NCOA3: variants seen among roughly 807,000 people sequenced by gnomAD.
The protein encoded by NCOA3 is nuclear receptor coactivator 3, also known as CBP-interacting protein.
Under a neutral mutation model 158.8 loss-of-function variants are expected in NCOA3, and 51 were observed. The observed-to-expected ratio is 0.32, with a 90% CI of 0.26 to 0.41. The LOEUF (loss-of-function observed/expected upper bound fraction) is 0.41. Ranked by LOEUF, NCOA3 falls within the 10% of genes least tolerant of loss-of-function variation. NCOA3 has a pLI of 1.00. For missense variants in NCOA3, 1,510 were observed against 1,746.6 expected, an observed-to-expected ratio of 0.86 and a Z score of 2.41; for synonymous variants, 537 against 592.4, an observed-to-expected ratio of 0.91 and a Z score of 1.36.
intron 1 of NCOA3, among the ~76,000 whole-genome samples, chr20:47,532,197 C>T (rs1342025940): frequency 1.3e-5 from 2 of 151,076 alleles, no homozygotes; most frequent in African/African-American, 4.9e-5. Flanking sequence ...GATACTTAAA[C>T]AAGGACACCA....
intron 2 of NCOA3, among the ~76,000 whole-genome samples, chr20:47,594,378 C>A (rs2085707727): frequency 6.6e-6 from 1 of 152,100 alleles, no homozygotes; most frequent in Non-Finnish European, 1.5e-5. Flanking sequence ...AGATGAAAGT[C>A]TTGGCCAGGT....
chr20:47,625,973 A>C (rs1004738673), intron 5 of NCOA3, among the ~76,000 whole-genome samples: 1 of 152,262 alleles, frequency 6.6e-6, no homozygotes, highest in Non-Finnish European at 1.5e-5. Flanking sequence ...TGCATAGGCT[A>C]TAGGCAAATA....
chr20:47,543,511 C>CT (rs773919016), intron 1 of NCOA3, among the ~76,000 whole-genome samples: 2,935 of 145,186 alleles, frequency 0.02, 81 homozygotes, highest in African/African-American at 0.064. Flanking sequence ...TCTTCTTCTT[C>CT]TTTTTTTTTT....
chr20:47,594,846 C>G (rs1296928533), intron 2 of NCOA3, among the ~76,000 whole-genome samples: 2 of 142,766 alleles, frequency 1.4e-5, no homozygotes, highest in Non-Finnish European at 3.0e-5. Flanking sequence ...GTCTGGAGCG[C>G]AGTACCGCGA....
At chr20:47,524,933 TTTTTTTC>T (rs1474202178) in intron 1 of NCOA3, among the ~76,000 whole-genome samples, 3 of 152,216 alleles carry the variant, frequency 2.0e-5, no homozygotes, top group East Asian at 3.9e-4. Flanking sequence ...TATTTATTTA[TTTTTTTC>T]TTTTTTCTTT....
chr20:47,554,255 T>C (rs922478817), intron 1 of NCOA3, among the ~76,000 whole-genome samples: 1 of 152,196 alleles, frequency 6.6e-6, no homozygotes, highest in African/African-American at 2.4e-5. Context: ...TGTTTGTTTT[T>C]TTCTTGTAAA....
chr20:47,634,319 G>A, intron 10 of NCOA3, 124 bp downstream of exon 10: 1 of 916,628 alleles, frequency 1.1e-6, no homozygotes, highest in Admixed American at 2.4e-5. Flanking sequence ...TGGGTTTGAT[G>A]AAATGAGTTT....
intron 1 of NCOA3, among the ~76,000 whole-genome samples, chr20:47,577,548 C>CAT: frequency 6.6e-6 from 1 of 152,186 alleles, no homozygotes; most frequent in East Asian, 1.9e-4. Context: ...CAATGTGGCA[C>CAT]ATGGATGCTT....
chr20:47,647,876 A>T (rs2086713837), intron 18 of NCOA3, among the ~76,000 whole-genome samples: 1 of 149,018 alleles, frequency 6.7e-6, no homozygotes, highest in African/African-American at 2.4e-5. Context: ...TAAGTAGATG[A>T]ATGCCTGAGG....
At chr20:47,621,671 T>TTTTTTTTTTTTA (rs1434238216) in intron 2 of NCOA3, among the ~76,000 whole-genome samples, 2 of 150,020 alleles carry the variant, frequency 1.3e-5, no homozygotes, top group Admixed American at 6.6e-5. Flanking sequence ...TTTTTTTTTT[T>TTTTTTTTTTTTA]GAGACGGAGT....
intron 1 of NCOA3, among the ~76,000 whole-genome samples, chr20:47,545,840 G>T (rs1460048977): frequency 6.6e-6 from 1 of 151,800 alleles, no homozygotes; most frequent in East Asian, 1.9e-4. Context: ...TCAGCATCCT[G>T]AATAGCTAGG....
intron 1 of NCOA3, among the ~76,000 whole-genome samples, chr20:47,522,634 C>T (rs1292688353): frequency 6.6e-6 from 1 of 152,048 alleles, no homozygotes; most frequent in Admixed American, 6.6e-5. Flanking sequence ...ACAAATCATT[C>T]GCGTAGCCCG....
chr20:47,592,571 G>GT (rs1426914367), intron 2 of NCOA3, among the ~76,000 whole-genome samples: 2 of 152,138 alleles, frequency 1.3e-5, no homozygotes, highest in African/African-American at 4.8e-5. Flanking sequence ...AAGGTAACAG[G>GT]TTTATCAAAG....
At position 47,648,840 on chromosome 20, in the gene NCOA3, A is replaced by G. The variant is rs150695970; in HGVS notation, c.3547-165A>G. On this transcript the variant is annotated intron_variant, in intron 18 of 22. Transcript: ENST00000371998. ...ATATGCTAGCCAAAGACTTTTCAAC[A>G]TTGACCTTTTTGCAGTGTGAAAGTA... is the stretch of plus-strand genomic sequence containing the variant. Among the ~76,000 whole-genome samples the G allele has an allele frequency of 4.3e-3, 651 of 152,236 alleles. 4 individuals carry two copies. Among genetic ancestry groups the G allele is most frequent in the African/African-American group, 0.015 (624 of 41,544 alleles).
intron 1 of NCOA3, among the ~76,000 whole-genome samples, chr20:47,512,205 CAAAA>C (rs1389482609): frequency 6.6e-5 from 10 of 151,654 alleles, no homozygotes. Flanking sequence ...AATATAAACA[CAAAA>C]AAAGTTTTTC....
At chr20:47,621,400 G>T (rs6066417) in intron 2 of NCOA3, among the ~76,000 whole-genome samples, 1 of 151,908 alleles carries the variant, frequency 6.6e-6, no homozygotes, top group South Asian at 2.1e-4. Flanking sequence ...ATACGTCTCA[G>T]AGTTTAGTTG....
intron 1 of NCOA3, among the ~76,000 whole-genome samples, chr20:47,552,578 C>G: frequency 6.6e-6 from 1 of 151,986 alleles, no homozygotes; most frequent in East Asian, 1.9e-4. Flanking sequence ...ATCTATCTAC[C>G]TAGGTTCTAT....
chr20:47,573,809 T>C (rs1369175835), intron 1 of NCOA3, among the ~76,000 whole-genome samples: 3 of 152,218 alleles, frequency 2.0e-5, no homozygotes, highest in East Asian at 1.9e-4. Flanking sequence ...TAGCCACACC[T>C]AGGGATTAGG....
intron 1 of NCOA3, among the ~76,000 whole-genome samples, chr20:47,525,163 TGTTTAA>T (rs2084407491): frequency 6.6e-6 from 1 of 150,520 alleles, no homozygotes; most frequent in Non-Finnish European, 1.5e-5. Context: ...TTCAAGCATC[TGTTTAA>T]CAAAGCACAT....
Sources: gnomAD v4.1 joint callset for allele counts (sites outside exome capture counted in the v4.1 genomes callset) on GRCh38, gnomAD v4.1.1 for gene constraint, MANE v1.5 for transcripts, NCBI Gene and HGNC (gene_info 2026-07-23, HGNC 2026-07-21) for gene names.